IL20RB: variants seen among roughly 807,000 people sequenced by gnomAD.
IL20RB encodes the protein interleukin 20 receptor subunit beta.
IL20RB carries 21 observed loss-of-function variants against 33.3 expected under a neutral mutation model. That is an observed-to-expected ratio of 0.63 (90% CI 0.45 to 0.91). The LOEUF (loss-of-function observed/expected upper bound fraction) is 0.91, where lower values mean the gene tolerates loss of function less well. Ranked by LOEUF, IL20RB falls within the 40% of genes least tolerant of loss-of-function variation. The probability of loss-of-function intolerance (pLI) is 0.00; values close to 1 mark genes in which losing one functional copy is unlikely to be tolerated. For missense variants in IL20RB, 345 were observed against 384.8 expected (o/e 0.90, Z 0.86); for synonymous variants, 147 against 146.8 (o/e 1.00, Z -0.01).
rs1460707060 is a variant in IL20RB, at chr3:137,010,858, C to T, written c.*635C>T. On this transcript the variant is annotated 3_prime_UTR_variant, in exon 7 of 7. Transcript: ENST00000329582. ...CAGTAGGTGACCTGGAGGAAGGTCA[C>T]AGCCACACTGAAAATGGGATGTGCA... 6.6e-6 allele frequency: 1 copy of T among 152,308 alleles called. No homozygotes were observed. The highest frequency in any genetic ancestry group is 2.4e-5 in the African/African-American group (1 of 41,454). 9.4% of individuals were successfully genotyped at this position (152,308 alleles called of 1,614,324 possible). A position where few individuals can be genotyped will look rare whatever the true frequency, so the allele number is the denominator to read the frequency against.
In IL20RB at chr3:136,989,693, G is replaced by A. The variant is rs1401006876; in HGVS notation, c.531+128G>A. 9.9e-6 allele frequency: 10 copies of A among 1,009,598 alleles called. No homozygotes were observed. The Admixed American group carries it at 2.1e-4, about 21-fold the overall frequency. 62.5% of individuals were successfully genotyped at this position (1,009,598 alleles called of 1,614,324 possible). A position where few individuals can be genotyped will look rare whatever the true frequency, so the allele number is the denominator to read the frequency against. Reference sequence around the variant, plus strand: ...GGATGAGCAGTCCTGGGTGAAGTGTGCAAAAGATGAGTATGCTGACCACCC... The same window carrying A: ...GGATGAGCAGTCCTGGGTGAAGTGTACAAAAGATGAGTATGCTGACCACCC... On this transcript the variant is annotated intron_variant, in intron 4 of 6. Coordinates refer to ENST00000329582, the MANE Select transcript of IL20RB (RefSeq NM_144717.4).
chr3:136,993,467 A>G (rs1476662691), intron 5 of IL20RB, among the ~76,000 whole-genome samples: 2 of 152,300 alleles, frequency 1.3e-5, no homozygotes, highest in East Asian at 3.9e-4. Flanking sequence ...ACATGTGCAC[A>G]AAGTGCAGGT....
intron 3 of IL20RB, among the ~76,000 whole-genome samples, chr3:136,983,758 T>C (rs1941837916): frequency 6.6e-6 from 1 of 152,218 alleles, no homozygotes; most frequent in African/African-American, 2.4e-5. Context: ...CTTGTGGATG[T>C]CTGACTGGCA....
intron 3 of IL20RB, 131 bp downstream of exon 3, chr3:136,982,481 A>G (rs1023666567): frequency 1.7e-6 from 1 of 600,032 alleles, no homozygotes; most frequent in Non-Finnish European, 2.7e-6. Context: ...GAACACAAAC[A>G]ACCCTTACTG....
chr3:136,971,129 A>G (rs1560066527), intron 1 of IL20RB, among the ~76,000 whole-genome samples: 1 of 151,546 alleles, frequency 6.6e-6, no homozygotes, highest in Non-Finnish European at 1.5e-5. Context: ...TTCTAACTAT[A>G]TGTTTTGTTT....
chr3:137,010,400 CACTG>C lies in IL20RB; in HGVS notation c.*183_*186del. The C allele has an allele frequency of 1.8e-6, 1 of 556,468 alleles. No individual in the cohort carries two copies. The allele number at this position is 556,468 out of a possible 1,614,324, so 34.5% of individuals were successfully genotyped here. A position where few individuals can be genotyped will look rare whatever the true frequency, so the allele number is the denominator to read the frequency against. On this transcript the variant is annotated 3_prime_UTR_variant, in exon 7 of 7. Coordinates refer to ENST00000329582, the MANE Select transcript of IL20RB (RefSeq NM_144717.4). The stretch of plus-strand genomic sequence containing the variant: ...AGGCAGGGTGGTTTGTCTAACAGAA[CACTG>C]ACTGAGGCTTAGGGGATGTGACCTC...
At chr3:136,981,051 T>G (rs361240) in intron 2 of IL20RB, among the ~76,000 whole-genome samples, 88,855 of 151,902 alleles carry the variant, frequency 0.58, 26,594 homozygotes, top group East Asian at 0.9. Context: ...AGCTATTGAA[T>G]AGTGATAAGG....
At chr3:137,006,385 A>G (rs1942350230) in intron 6 of IL20RB, among the ~76,000 whole-genome samples, 1 of 152,084 alleles carries the variant, frequency 6.6e-6, no homozygotes, top group Non-Finnish European at 1.5e-5. Context: ...CATTCTCCCC[A>G]ACACTTTCAG....
chr3:136,980,352 C>A, intron 1 of IL20RB, 114 bp from the exon 2 acceptor site: 3 of 1,209,410 alleles, frequency 2.5e-6, no homozygotes, highest in Non-Finnish European at 3.6e-6. Context: ...GTGGTGCAAT[C>A]TCAGCTTACT....
At chr3:136,998,190 T>A (rs1248338256) in intron 6 of IL20RB, among the ~76,000 whole-genome samples, 3 of 139,514 alleles carry the variant, frequency 2.2e-5, no homozygotes, top group East Asian at 5.1e-4. Flanking sequence ...TAATTAAAAA[T>A]TTTTTTTGAA....
chr3:137,000,527 A>G (rs1942222906), intron 6 of IL20RB, among the ~76,000 whole-genome samples: 1 of 152,196 alleles, frequency 6.6e-6, no homozygotes, highest in South Asian at 2.1e-4. Flanking sequence ...CCAAGCATGA[A>G]CTTTTAGTTG....
chr3:136,991,531 G>A (rs1222364496), intron 4 of IL20RB, among the ~76,000 whole-genome samples: 1 of 152,216 alleles, frequency 6.6e-6, no homozygotes, highest in Non-Finnish European at 1.5e-5. Flanking sequence ...CATCTGGAAA[G>A]GAAGTATCTG....
intron 4 of IL20RB, among the ~76,000 whole-genome samples, chr3:136,991,004 G>T (rs996488537): frequency 6.6e-6 from 1 of 152,218 alleles, no homozygotes; most frequent in Admixed American, 6.5e-5. Context: ...GGCTAAGAGG[G>T]GAGCATGTAC....
chr3:136,993,964 G>T (rs2069799883), intron 5 of IL20RB, among the ~76,000 whole-genome samples: 1 of 151,006 alleles, frequency 6.6e-6, no homozygotes, highest in African/African-American at 2.4e-5. Context: ...AGTGAGCCGA[G>T]ATTGCGCCAC....
chr3:136,972,715 T>G (rs1486514426), intron 1 of IL20RB, among the ~76,000 whole-genome samples: 1 of 152,096 alleles, frequency 6.6e-6, no homozygotes, highest in African/African-American at 2.4e-5. Flanking sequence ...GTTTTAAGAT[T>G]AACTTTGTTA....
intron 6 of IL20RB, among the ~76,000 whole-genome samples, chr3:137,003,715 G>A (rs1942292465): frequency 6.6e-6 from 1 of 152,186 alleles, no homozygotes; most frequent in Non-Finnish European, 1.5e-5. Context: ...TCTGCAAACA[G>A]GAACAATTTG....
chr3:136,975,768 A>G (rs1206402999), intron 1 of IL20RB, among the ~76,000 whole-genome samples: 1 of 152,174 alleles, frequency 6.6e-6, no homozygotes, highest in Non-Finnish European at 1.5e-5. Context: ...GCTGGTCTAC[A>G]GGCCCCAATT....
chr3:136,970,084 T>G (rs979893807), intron 1 of IL20RB, among the ~76,000 whole-genome samples: 1 of 151,906 alleles, frequency 6.6e-6, no homozygotes, highest in Non-Finnish European at 1.5e-5. Context: ...GCGTTTTTTT[T>G]GTTTTTTGTT....
At chr3:136,993,778 C>T (rs551211016) in intron 5 of IL20RB, among the ~76,000 whole-genome samples, 93 of 152,066 alleles carry the variant, frequency 6.1e-4, no homozygotes, top group African/African-American at 2.1e-3. Flanking sequence ...TTTGGGAGGC[C>T]GAGACAGGTG....
Sources: allele counts gnomAD v4.1 joint callset (sites outside exome capture counted in the v4.1 genomes callset), GRCh38; gene constraint gnomAD v4.1.1; transcripts MANE v1.5; gene names NCBI Gene and HGNC (gene_info 2026-07-23, HGNC 2026-07-21).